The following CADPS variants were observed in gnomAD, a reference collection of about 807,000 sequenced individuals.
The protein encoded by CADPS is calcium-dependent secretion activator 1.
CADPS carries 57 observed loss-of-function variants against 167.3 expected under a neutral mutation model. The observed-to-expected ratio is 0.34, with a 90% CI of 0.28 to 0.42. CADPS has a LOEUF of 0.42. Ranked by LOEUF, CADPS falls within the 20% of genes least tolerant of loss-of-function variation. The pLI, the probability that CADPS is intolerant of heterozygous loss-of-function variation, is 1.00. For missense variants in CADPS, 1,414 were observed against 1,738.1 expected (o/e 0.81, Z 3.32); for synonymous variants, 676 against 635.3 (o/e 1.06, Z -0.96).
intron 28 of CADPS, among the ~76,000 whole-genome samples, chr3:62,422,606 G>A (rs1469404160): frequency 6.6e-6 from 1 of 152,034 alleles, no homozygotes; most frequent in African/African-American, 2.4e-5. Context: ...AAAGGACTTT[G>A]GTGATACCTG....
intron 28 of CADPS, among the ~76,000 whole-genome samples, chr3:62,414,168 A>AT (rs1358935483): frequency 2.0e-5 from 3 of 152,204 alleles, no homozygotes; most frequent in South Asian, 2.1e-4. Context: ...AAAAGGATGC[A>AT]TTTTTTTACA....
intron 3 of CADPS, among the ~76,000 whole-genome samples, chr3:62,748,710 CTT>C (rs2082072115): frequency 6.6e-6 from 1 of 152,162 alleles, no homozygotes; most frequent in Admixed American, 6.5e-5. Context: ...AATTATCTCA[CTT>C]AAAAATTTTT....
intron 18 of CADPS, 26 bp from the exon 19 acceptor site, chr3:62,493,691 A>C (rs1366490030): frequency 6.4e-7 from 1 of 1,552,078 alleles, no homozygotes; most frequent in Admixed American, 2.0e-5. Flanking sequence ...AATGAAAAAA[A>C]TCAAGTCATG....
At chr3:62,752,358 T>C (rs1327582032) in intron 3 of CADPS, among the ~76,000 whole-genome samples, 2 of 152,224 alleles carry the variant, frequency 1.3e-5, no homozygotes, top group Non-Finnish European at 2.9e-5. Context: ...TAAAGTTGGA[T>C]GAGATGAAAG....
chr3:62,549,103 T>C (rs2076931926), intron 11 of CADPS, among the ~76,000 whole-genome samples: 1 of 152,228 alleles, frequency 6.6e-6, no homozygotes, highest in African/African-American at 2.4e-5. Context: ...GACTTGTACC[T>C]GTGTCATCTC....
chr3:62,849,673 G>T (rs886366918), intron 1 of CADPS, among the ~76,000 whole-genome samples: 4 of 139,122 alleles, frequency 2.9e-5, no homozygotes, highest in African/African-American at 8.2e-5. Flanking sequence ...GCTGGATTCG[G>T]TTTGCCAGTA....
intron 27 of CADPS, among the ~76,000 whole-genome samples, chr3:62,441,628 A>T (rs932805949): frequency 5.3e-5 from 8 of 152,224 alleles, no homozygotes; most frequent in Non-Finnish European, 1.2e-4. Flanking sequence ...CATGGAACTA[A>T]ACCATTAAAT....
chr3:62,681,775 G>T lies in CADPS; in HGVS notation c.889-19381C>A, dbSNP rs115928931. ...GAAAAGCTCAGGTTCTCCAGTCACT[G>T]ACTCGATGACTATAACACATCTACA... On this transcript the variant is annotated intron_variant, in intron 3 of 29. Coordinates refer to ENST00000383710, the MANE Select transcript of CADPS (RefSeq NM_003716.4). 8.8e-3 allele frequency among the ~76,000 whole-genome samples: 1,333 copies of T among 152,154 alleles called. 27 individuals carry two copies. Among genetic ancestry groups the T allele is most frequent in the African/African-American group, 0.03 (1,265 of 41,494 alleles).
In CADPS at chr3:62,473,982, T is replaced by C. The variant is rs2060932981; in HGVS notation, c.3477+191A>G. ...AATCACTTCCAAGTGACTGACATTC[T>C]CATCAGCACATGCCTTAGAAATCTA... On this transcript the variant is annotated intron_variant, in intron 24 of 29. Transcript: ENST00000383710. 6 of 467,174 alleles carry C rather than the reference T, an allele frequency of 1.3e-5. No homozygotes were observed. In the South Asian group the frequency reaches 2.7e-4, roughly 21 times the overall value. 28.9% of individuals were successfully genotyped at this position (467,174 alleles called of 1,614,324 possible). A position where few individuals can be genotyped will look rare whatever the true frequency, so the allele number is the denominator to read the frequency against.
chr3:62,467,612 T>C (rs970389527), intron 24 of CADPS, among the ~76,000 whole-genome samples: 7 of 152,096 alleles, frequency 4.6e-5, no homozygotes, highest in Admixed American at 2.0e-4. Context: ...ATGTTACCTA[T>C]GAAAATTTAA....
chr3:62,513,624 TG>T, intron 16 of CADPS: 2 of 1,506,936 alleles, frequency 1.3e-6, no homozygotes, highest in Non-Finnish European at 1.8e-6. Flanking sequence ...GGTGAGGAGG[TG>T]GTAGGTACTC....
chr3:62,634,507 A>G (rs1400957736), intron 6 of CADPS, among the ~76,000 whole-genome samples: 1 of 152,190 alleles, frequency 6.6e-6, no homozygotes, highest in African/African-American at 2.4e-5. Flanking sequence ...GAATATTCAG[A>G]TTTTAACAAT....
intron 2 of CADPS, among the ~76,000 whole-genome samples, chr3:62,762,526 A>C (rs761076008): frequency 6.6e-6 from 1 of 151,946 alleles, no homozygotes; most frequent in Non-Finnish European, 1.5e-5. Flanking sequence ...GCATGGTGGC[A>C]TGCACCTGCA....
At chr3:62,740,717 C>T (rs2080034603) in intron 3 of CADPS, among the ~76,000 whole-genome samples, 1 of 152,182 alleles carries the variant, frequency 6.6e-6, no homozygotes. Context: ...ACCCCTATCA[C>T]CATGCCACTA....
chr3:62,765,875 T>C lies in CADPS; in HGVS notation c.551A>G (p.Tyr184Cys), dbSNP rs1227135917. ...CTTCTGAACAGTGATTCTCACCTCA[T>C]AGTAACTCTGCACAGCGTTCATGAA... Reference protein sequence around the residue: ...EAFMNAVQSYYEVFLKSDRVA... With the variant: ...EAFMNAVQSYCEVFLKSDRVA... Residue 184 changes from tyrosine to cysteine, a missense_variant, in exon 2 of 30, where the codon TAT (tyrosine) becomes TGT (cysteine). Physicochemically the swap from Tyr to Cys is radical, Grantham distance 194. Around this residue, in one of 6 missense-constraint regions of CADPS, gnomAD observed 522 missense variants for 559.5 expected, o/e 0.93. Coordinates refer to ENST00000383710, the MANE Select transcript of CADPS (RefSeq NM_003716.4). 5.6e-6 allele frequency: 9 copies of C among 1,604,796 alleles called. No homozygotes were observed. The highest frequency in any genetic ancestry group is 2.2e-5 in the East Asian group (1 of 44,830).
chr3:62,728,519 T>G (rs2152092130), intron 3 of CADPS, among the ~76,000 whole-genome samples: 1 of 151,992 alleles, frequency 6.6e-6, no homozygotes, highest in East Asian at 1.9e-4. Context: ...CACAAATAAT[T>G]GTTACCAAAG....
intron 1 of CADPS, among the ~76,000 whole-genome samples, chr3:62,787,778 T>C (rs1450811433): frequency 6.6e-6 from 1 of 152,182 alleles, no homozygotes; most frequent in Non-Finnish European, 1.5e-5. Flanking sequence ...GTAAGACAAG[T>C]ATACTAATAG....
intron 26 of CADPS, among the ~76,000 whole-genome samples, chr3:62,449,593 T>C (rs571120279): frequency 6.6e-6 from 1 of 152,300 alleles, no homozygotes; most frequent in South Asian, 2.1e-4. Flanking sequence ...ACTAGAGTTT[T>C]GGAATTATTG....
chr3:62,697,692 G>A (rs563964761), intron 3 of CADPS, among the ~76,000 whole-genome samples: 16 of 152,148 alleles, frequency 1.1e-4, no homozygotes, highest in African/African-American at 2.7e-4. Context: ...ACTGGCTTCC[G>A]TAGTGGTTGC....
Sources: gnomAD v4.1 joint callset for allele counts (sites outside exome capture counted in the v4.1 genomes callset) on GRCh38, gnomAD v4.1.1 for gene constraint, gnomAD v4.1.1 regional missense constraint, MANE v1.5 for transcripts, NCBI Gene and HGNC (gene_info 2026-07-23, HGNC 2026-07-21) for gene names.